The following SLC24A2 variants were observed in gnomAD, a reference collection of about 807,000 sequenced individuals.
The protein encoded by SLC24A2 is sodium/potassium/calcium exchanger 2.
SLC24A2 carries 36 observed loss-of-function variants against 62.0 expected under a neutral mutation model. That is an observed-to-expected ratio of 0.58 (90% CI 0.44 to 0.77). SLC24A2 has a LOEUF of 0.77. Ranked by LOEUF, SLC24A2 falls within the 30% of genes least tolerant of loss-of-function variation. The probability of loss-of-function intolerance (pLI) is 0.00; values close to 1 mark genes in which losing one functional copy is unlikely to be tolerated. For missense variants in SLC24A2, 846 were observed against 817.9 expected, an observed-to-expected ratio of 1.03 and a Z score of -0.42; for synonymous variants, 358 against 294.0, an observed-to-expected ratio of 1.22 and a Z score of -2.23.
the SLC24A2 span, among the ~76,000 whole-genome samples, chr9:20,189,511 G>T: frequency 6.6e-6 from 1 of 152,164 alleles, no homozygotes; most frequent in African/African-American, 2.4e-5. Flanking sequence ...CTTAAAGAAA[G>T]AAAGTGTGGG....
chr9:20,019,163 G>GACAGAC, the SLC24A2 span, among the ~76,000 whole-genome samples: 1 of 125,890 alleles, frequency 7.9e-6, no homozygotes, highest in African/African-American at 3.0e-5. Flanking sequence ...GAAAGAGAGA[G>GACAGAC]AGACAGAAAG....
At chr9:19,540,512 T>A (rs1834198023) in intron 8 of SLC24A2, among the ~76,000 whole-genome samples, 1 of 151,296 alleles carries the variant, frequency 6.6e-6, no homozygotes, top group African/African-American at 2.5e-5. Flanking sequence ...ATTCTTGTCT[T>A]TAAGAATGTT....
At chr9:20,009,534 T>A in the SLC24A2 span, among the ~76,000 whole-genome samples, 1 of 151,972 alleles carries the variant, frequency 6.6e-6, no homozygotes, top group Admixed American at 6.6e-5. Flanking sequence ...ACAGAAAACA[T>A]GGTCCACAGG....
At chr9:19,685,411 C>A (rs562605575) in intron 2 of SLC24A2, among the ~76,000 whole-genome samples, 1 of 152,128 alleles carries the variant, frequency 6.6e-6, no homozygotes, top group Non-Finnish European at 1.5e-5. Context: ...AAAAAGCTAT[C>A]TTAAAAATTA....
At chr9:19,713,176 C>T (rs1455653467) in intron 2 of SLC24A2, among the ~76,000 whole-genome samples, 1 of 152,114 alleles carries the variant, frequency 6.6e-6, no homozygotes, top group South Asian at 2.1e-4. Flanking sequence ...TGTATGCTAG[C>T]ACCTAGTATC....
At chr9:19,999,974 G>A in the SLC24A2 span, among the ~76,000 whole-genome samples, 30 of 152,202 alleles carry the variant, frequency 2.0e-4, no homozygotes, top group Non-Finnish European at 3.8e-4. Context: ...AAGACAGTGT[G>A]GAGAGGTTCA....
the SLC24A2 span, among the ~76,000 whole-genome samples, chr9:20,103,052 G>A: frequency 2.0e-5 from 3 of 152,174 alleles, no homozygotes; most frequent in African/African-American, 2.4e-5. Context: ...TATATCCCAC[G>A]CCTGGCTTGG....
chr9:19,596,469 A>C (rs561346052), intron 5 of SLC24A2, among the ~76,000 whole-genome samples: 1 of 152,352 alleles, frequency 6.6e-6, no homozygotes, highest in Admixed American at 6.5e-5. Context: ...TCCCTTTCCA[A>C]GAATTCAAAA....
chr9:20,002,567 A>G, the SLC24A2 span, among the ~76,000 whole-genome samples: 1 of 152,140 alleles, frequency 6.6e-6, no homozygotes, highest in Admixed American at 6.6e-5. Flanking sequence ...ACATACTTCA[A>G]TGTCCCACTG....
chr9:20,053,233 C>T, the SLC24A2 span, among the ~76,000 whole-genome samples: 3 of 152,070 alleles, frequency 2.0e-5, no homozygotes, highest in African/African-American at 7.2e-5. Context: ...CTTCATCCAG[C>T]CATCCTATAA....
chr9:20,255,452 G>C, the SLC24A2 span, among the ~76,000 whole-genome samples: 1 of 152,338 alleles, frequency 6.6e-6, no homozygotes, highest in Non-Finnish European at 1.5e-5. Flanking sequence ...TGAATCTGCA[G>C]TTTGGGAAGA....
chr9:19,853,832 G>A, the SLC24A2 span, among the ~76,000 whole-genome samples: 8 of 152,166 alleles, frequency 5.3e-5, no homozygotes, highest in South Asian at 2.1e-4. Flanking sequence ...AATGAGTTAC[G>A]GAGGAGTCTA....
At chr9:19,822,475 C>T in the SLC24A2 span, among the ~76,000 whole-genome samples, 3 of 152,096 alleles carry the variant, frequency 2.0e-5, no homozygotes, top group Non-Finnish European at 2.9e-5. Flanking sequence ...CTTACTCTCC[C>T]CACCGATGTC....
chr9:20,153,813 G>A, the SLC24A2 span, among the ~76,000 whole-genome samples: 3 of 152,070 alleles, frequency 2.0e-5, no homozygotes, highest in East Asian at 5.8e-4. Context: ...TTGGAATATA[G>A]GGACTTGAGT....
the SLC24A2 span, among the ~76,000 whole-genome samples, chr9:19,971,711 C>T: frequency 6.6e-6 from 1 of 152,048 alleles, no homozygotes; most frequent in Non-Finnish European, 1.5e-5. Flanking sequence ...TGGGGACTGA[C>T]CAGGAGCTGA....
intron 2 of SLC24A2, among the ~76,000 whole-genome samples, chr9:19,658,347 G>A (rs1818999899): frequency 6.6e-6 from 1 of 151,166 alleles, no homozygotes; most frequent in South Asian, 2.1e-4. Context: ...GCTAATGCCT[G>A]TTTATGTGTT....
At chr9:20,014,380 A>T in the SLC24A2 span, among the ~76,000 whole-genome samples, 1 of 151,998 alleles carries the variant, frequency 6.6e-6, no homozygotes, top group Non-Finnish European at 1.5e-5. Flanking sequence ...TTCTGGGTAT[A>T]TACCCAGAGG....
Position 19,521,044 on chromosome 9 carries a change from C to T in SLC24A2, c.1586G>A (p.Gly529Asp), listed in dbSNP as rs1407641146. 6.2e-7 allele frequency: 1 copy of T among 1,613,920 alleles called. No individual in the cohort carries two copies. Among genetic ancestry groups the T allele is most frequent in the Non-Finnish European group, 8.5e-7 (1 of 1,179,952 alleles). Residue 529 changes from glycine (G) to aspartate (D), a missense_variant, in exon 10 of 11, where the codon GGC (glycine) becomes GAC (aspartate). Coordinates refer to ENST00000341998, the MANE Select transcript of SLC24A2 (RefSeq NM_020344.4). Reference sequence around the variant, plus strand: ...CAGGCCCATAATCTCTTCACTGATGCCAATTGTCTCTCCAACCTAAATGTC... The same window carrying T: ...CAGGCCCATAATCTCTTCACTGATGTCAATTGTCTCTCCAACCTAAATGTC... ...WWAHQVGETI[G>D]ISEEIMGLTI... is the part of the protein sequence containing the mutation.
Position 19,703,786 on chromosome 9 carries a change from T to C in SLC24A2, c.931-81487A>G, listed in dbSNP as rs1012289339. ...TGCACATATATGACAGGAAGTACTATGGCTACATTTTATAGTCTTATGTGC... is the reference window on the plus strand; with the variant it reads ...TGCACATATATGACAGGAAGTACTACGGCTACATTTTATAGTCTTATGTGC... On this transcript the variant is annotated intron_variant, in intron 2 of 10. Transcript: ENST00000341998. Among the ~76,000 whole-genome samples the C allele has an allele frequency of 2.6e-5, 4 of 152,228 alleles. No individual in the cohort carries two copies. In the South Asian group the frequency reaches 6.2e-4, roughly 24 times the overall value.
Sources: gnomAD v4.1 joint callset for allele counts (sites outside exome capture counted in the v4.1 genomes callset) on GRCh38, gnomAD v4.1.1 for gene constraint, MANE v1.5 for transcripts, NCBI Gene and HGNC (gene_info 2026-07-23, HGNC 2026-07-21) for gene names.